The following PLK4 variants were observed in gnomAD, a reference collection of about 807,000 sequenced individuals.
PLK4 encodes the protein serine/threonine-protein kinase PLK4.
PLK4 carries 51 observed loss-of-function variants against 103.0 expected under a neutral mutation model. That is an observed-to-expected ratio of 0.50 (90% CI 0.40 to 0.63). PLK4 has a LOEUF of 0.63. Among genes scored for constraint, PLK4 ranks in the 20% least tolerant of loss-of-function variants. PLK4 has a pLI of 0.00. For missense variants in PLK4, 1,054 were observed against 1,151.0 expected, an observed-to-expected ratio of 0.92 and a Z score of 1.22; for synonymous variants, 389 against 376.8, an observed-to-expected ratio of 1.03 and a Z score of -0.38.
In PLK4 at chr4:127,883,365, A is replaced by G. The variant is rs1429566835; in HGVS notation, c.222+8A>G. 6.5e-7 allele frequency: 1 copy of G among 1,547,710 alleles called. No individual in the cohort carries two copies. The highest frequency in any genetic ancestry group is 1.7e-4 in the Middle Eastern group (1 of 5,908). ...CATCCTTCTATCTTGGAGGTAAGATATAAATTTTGTAGAAGTGACCAAGGA... is the reference window on the plus strand; with the variant it reads ...CATCCTTCTATCTTGGAGGTAAGATGTAAATTTTGTAGAAGTGACCAAGGA... On this transcript the variant is annotated splice_region_variant and intron_variant, in intron 3 of 15. Coordinates refer to ENST00000270861, the MANE Select transcript of PLK4 (RefSeq NM_014264.5).
chr4:127,892,721 T>C, intron 10 of PLK4: 1 of 422,468 alleles, frequency 2.4e-6, no homozygotes, highest in Non-Finnish European at 4.2e-6. Context: ...TCCTATAATA[T>C]GTATATTAGT....
rs1479590458 is a variant in PLK4 at position 127,881,837 on chromosome 4, A to G, written c.37A>G (p.Lys13Glu). Reference protein sequence around the residue: ...TCIGEKIEDFKVGNLLGKGSF... With the variant: ...TCIGEKIEDFEVGNLLGKGSF... ...TTTAATTTTAACTTTTAAGGATTTT[A>G]AAGTTGGAAATCTGCTTGGTAAAGG... Residue 13 changes from lysine to glutamate, a missense_variant, in exon 2 of 16, where the codon AAA becomes GAA. By Grantham distance (56) the Lys-to-Glu change is moderately conservative. Coordinates refer to ENST00000270861, the MANE Select transcript of PLK4 (RefSeq NM_014264.5). 3 of 1,587,154 alleles carry G rather than the reference A, an allele frequency of 1.9e-6. No individual in the cohort carries two copies. In the African/African-American group the frequency reaches 4.0e-5, roughly 21 times the overall value.
chr4:127,898,828 A>C lies in PLK4; in HGVS notation c.*287A>C. On this transcript the variant is annotated 3_prime_UTR_variant, in exon 16 of 16. Coordinates refer to ENST00000270861, the MANE Select transcript of PLK4 (RefSeq NM_014264.5). ...ATTGAACAATCTTTTAAAAGCAAAA[A>C]TGTAAATGATGTGTAGTTTATTTGT... 4.5e-6 allele frequency: 1 copy of C among 221,550 alleles called. No homozygotes were observed. The highest frequency in any genetic ancestry group is 9.9e-5 in the East Asian group (1 of 10,140). The allele number at this position is 221,550 out of a possible 1,614,324, so 13.7% of individuals were successfully genotyped here.
Position 127,887,480 on chromosome 4 carries a change from G to T in PLK4, c.1443G>T (p.Gly481=), listed in dbSNP as rs1283486171. The change falls in exon 6 of 16, where the codon GGG becomes GGT. Residue 481 remains glycine (G), a synonymous_variant. Coordinates refer to ENST00000270861, the MANE Select transcript of PLK4 (RefSeq NM_014264.5). ...PQTETVQQWF[G]NLQINAHLRK... ...CTGAAACCGTACAACAGTGGTTTGG[G>T]AATCTGCAAATAAATGGTGAGTTTT... The T allele has an allele frequency of 6.3e-7, 1 of 1,597,710 alleles. No individual in the cohort carries two copies. Among genetic ancestry groups the T allele is most frequent in the South Asian group, 1.1e-5 (1 of 89,710 alleles).
intron 2 of PLK4, 75 bp downstream of exon 2, chr4:127,882,001 CT>C (rs1734951066): frequency 6.1e-6 from 5 of 815,472 alleles, no homozygotes; most frequent in Non-Finnish European, 8.5e-6. Context: ...TCAGAAACTC[CT>C]TGTCTACTAG....
At position 127,887,444 on chromosome 4, in the gene PLK4, G is replaced by A. The variant is rs746997589; in HGVS notation, c.1407G>A (p.Pro469=). Residue 469 remains proline, a synonymous_variant, in exon 6 of 16, where the codon CCG becomes CCA. Transcript: ENST00000270861. ...PGKTPFPFAD[P]TPQTETVQQW... is the part of the protein sequence containing the mutation. ...AAACTCCTTTTCCATTTGCAGACCC[G>A]ACACCTCAGACTGAAACCGTACAAC... The A allele has an allele frequency of 2.6e-5, 42 of 1,611,420 alleles. No individual in the cohort carries two copies. The highest frequency in any genetic ancestry group is 3.1e-5 in the Non-Finnish European group (37 of 1,178,296).
chr4:127,894,389 G>C (rs1351668885), intron 13 of PLK4, among the ~76,000 whole-genome samples: 1 of 151,966 alleles, frequency 6.6e-6, no homozygotes, highest in East Asian at 1.9e-4. Context: ...ACCATGCCTG[G>C]CTAATTTTTT....
chr4:127,886,783 A>G, intron 5 of PLK4, 55 bp downstream of exon 5: 1 of 1,078,236 alleles, frequency 9.3e-7, no homozygotes, highest in South Asian at 1.6e-5. Context: ...ATACTAGTAT[A>G]AATATGAAGC....
At position 127,893,534 on chromosome 4, in the gene PLK4, C is replaced by T. The variant is rs769663756; in HGVS notation, c.2344C>T (p.Leu782=). ...ATAGGGTCATCGTATTTGTTTAGCA[C>T]TGGAATCCATAATTTCAGAAGAGGA... is the stretch of plus-strand genomic sequence containing the variant. The part of the protein sequence containing the change: ...ANEGHRICLA[L]ESIISEEERK... Residue 782 remains leucine (L), a synonymous_variant, in exon 12 of 16, where the codon CTG becomes TTG. Transcript: ENST00000270861. 6.2e-7 allele frequency: 1 copy of T among 1,612,570 alleles called. No homozygotes were observed. Among genetic ancestry groups the T allele is most frequent in the East Asian group, 2.2e-5 (1 of 44,776 alleles).
chr4:127,896,645 T>G (rs984426317), intron 14 of PLK4, among the ~76,000 whole-genome samples, 156 bp from the exon 15 acceptor site: 1 of 152,168 alleles, frequency 6.6e-6, no homozygotes, highest in Non-Finnish European at 1.5e-5. Context: ...TGTAGTCACT[T>G]AGAGAGTTTT....
rs543332388 is a variant in PLK4 at position 127,883,233 on chromosome 4, C to G, written c.127-29C>G. 6 of 1,116,738 alleles carry G rather than the reference C, an allele frequency of 5.4e-6. No homozygotes were observed. The African/African-American group carries it at 7.8e-5, about 15-fold the overall frequency. 69.2% of individuals were successfully genotyped at this position (1,116,738 alleles called of 1,614,324 possible). A position where few individuals can be genotyped will look rare whatever the true frequency, so the allele number is the denominator to read the frequency against. ...TTTTAAGCAGTTTATATTTGAAAGT[C>G]TGTCAACATTTAAACCTGTTATTTT... On this transcript the variant is annotated intron_variant, in intron 2 of 15. Transcript: ENST00000270861.
In PLK4 at chr4:127,891,092, G is replaced by A. The variant is rs62335586; in HGVS notation, c.1831G>A (p.Val611Met). 2.0e-6 allele frequency: 3 copies of A among 1,488,818 alleles called. No homozygotes were observed. The highest frequency in any genetic ancestry group is 2.5e-5 in the South Asian group (2 of 78,696). 92.2% of individuals were successfully genotyped at this position (1,488,818 alleles called of 1,614,324 possible). A position where few individuals can be genotyped will look rare whatever the true frequency, so the allele number is the denominator to read the frequency against. ...PIRQKTKKAVVSILDSEEVCV... is the reference protein window; with the variant it reads ...PIRQKTKKAVMSILDSEEVCV... ...GATTTTGGGTTTTTTTTTTTTTTAG[G>A]TGAGCATACTTGATTCAGAGGAGGT... is the stretch of plus-strand genomic sequence containing the variant. The change falls in exon 8 of 16, where the codon GTG becomes ATG. Residue 611 changes from valine (V) to methionine (M), a missense_variant and splice_region_variant. Val to Met is a conservative substitution (Grantham distance 21). Transcript: ENST00000270861.
intron 8 of PLK4, among the ~76,000 whole-genome samples, 159 bp downstream of exon 8, chr4:127,891,355 AT>A (rs1029454140): frequency 4.0e-4 from 61 of 152,102 alleles, no homozygotes; most frequent in African/African-American, 1.5e-3. Context: ...TATTAAACAT[AT>A]TTAAATAAAT....
chr4:127,885,502 T>C (rs1229514627), intron 4 of PLK4, among the ~76,000 whole-genome samples: 1 of 142,978 alleles, frequency 7.0e-6, no homozygotes, highest in African/African-American at 2.6e-5. Context: ...AAAAAAAAGG[T>C]TAATATGATC....
intron 14 of PLK4, among the ~76,000 whole-genome samples, chr4:127,896,435 C>A (rs2148825127): frequency 6.6e-6 from 1 of 152,162 alleles, no homozygotes; most frequent in South Asian, 2.1e-4. Context: ...TTCCCTAAAT[C>A]TCTTCTTGTT....
chr4:127,892,441 T>C lies in PLK4; in HGVS notation c.2115T>C (p.Tyr705=), dbSNP rs1286836497. The change falls in exon 10 of 16, where the codon TAT becomes TAC. Residue 705 remains tyrosine (Y), a synonymous_variant. Coordinates refer to ENST00000270861, the MANE Select transcript of PLK4 (RefSeq NM_014264.5). ...LVRSKSPKIT[Y]FTRYAKCILM... ...GATCTAAATCTCCCAAAATCACTTATTTTACAAGATATGCTAAATGCATTT... is the reference window on the plus strand; with the variant it reads ...GATCTAAATCTCCCAAAATCACTTACTTTACAAGATATGCTAAATGCATTT... 3 of 1,591,464 alleles carry C rather than the reference T, an allele frequency of 1.9e-6. No individual in the cohort carries two copies. The highest frequency in any genetic ancestry group is 3.6e-5 in the Admixed American group (2 of 54,880).
intron 10 of PLK4, chr4:127,892,801 A>G (rs977921756): frequency 1.2e-5 from 3 of 246,792 alleles, no homozygotes; most frequent in Admixed American, 5.3e-5. Context: ...TGAAATGCGC[A>G]ATGTCCTATT....
At chr4:127,881,540 C>G (rs576617826) in intron 1 of PLK4, among the ~76,000 whole-genome samples, 3 of 152,128 alleles carry the variant, frequency 2.0e-5, no homozygotes, top group Non-Finnish European at 2.9e-5. Context: ...CCTCCGCTCC[C>G]GGGGATTGGC....
Position 127,898,495 on chromosome 4 carries a change from C to T in PLK4, c.2867C>T (p.Ser956Phe), listed in dbSNP as rs1373490672. 2 of 1,587,806 alleles carry T rather than the reference C, an allele frequency of 1.3e-6. No individual in the cohort carries two copies. Among genetic ancestry groups the T allele is most frequent in the Non-Finnish European group, 1.7e-6 (2 of 1,158,360 alleles). The change falls in exon 16 of 16, where the codon TCT (serine) becomes TTT (phenylalanine). Residue 956 changes from serine (S) to phenylalanine (F), a missense_variant. By Grantham distance (155) the Ser-to-Phe change is radical (BLOSUM62 -2). This residue lies in a region of PLK4 where 8 missense variants were observed against 19.9 expected (regional missense o/e 0.40). Transcript: ENST00000270861. ...ATCAAACAGAAATTACAGTGTCTGT[C>T]TTCCATCCTTTTGATGTTTTCTAAT... is the stretch of plus-strand genomic sequence containing the variant. ...DYIKQKLQCL[S>F]SILLMFSNPT...
Sources: gnomAD v4.1 joint callset for allele counts (sites outside exome capture counted in the v4.1 genomes callset) on GRCh38, gnomAD v4.1.1 for gene constraint, gnomAD v4.1.1 regional missense constraint, MANE v1.5 for transcripts, NCBI Gene and HGNC (gene_info 2026-07-23, HGNC 2026-07-21) for gene names.